Variants in RAB19 observed in about 807,000 individuals in gnomAD.
RAB19 encodes the protein RAB19, member RAS oncogene family, also known as ras-related protein Rab-19.
Under a neutral mutation model 17.3 loss-of-function variants are expected in RAB19, and 21 were observed. The observed-to-expected ratio is 1.21, with a 90% CI of 0.86 to 1.74. The LOEUF (loss-of-function observed/expected upper bound fraction) is 1.74. Among genes scored for constraint, RAB19 ranks in the 40% most tolerant of loss-of-function variants. The pLI, the probability that RAB19 is intolerant of heterozygous loss-of-function variation, is 0.00. For missense variants in RAB19, 277 were observed against 286.8 expected (o/e 0.97, Z 0.25); for synonymous variants, 126 against 110.4 (o/e 1.14, Z -0.88).
intron 3 of RAB19, among the ~76,000 whole-genome samples, chr7:140,418,797 T>C (rs1799508325): frequency 6.7e-6 from 1 of 149,728 alleles, no homozygotes. Context: ...AGGTAGAGTC[T>C]GCAGTGAGCT....
rs1276729317 is a variant in RAB19, at chr7:140,427,220, C to T, written c.*1070C>T. 6.8e-6 allele frequency among the ~76,000 whole-genome samples: 1 copy of T among 146,868 alleles called. No individual in the cohort carries two copies. Among genetic ancestry groups the T allele is most frequent in the Non-Finnish European group, 1.5e-5 (1 of 67,266 alleles). ...AATGCAGTGGCATGATCTCGGCTCACTGCAACCTCAACCTCCACCTCCTGG... is the reference window on the plus strand; with the variant it reads ...AATGCAGTGGCATGATCTCGGCTCATTGCAACCTCAACCTCCACCTCCTGG... On this transcript the variant is annotated 3_prime_UTR_variant, in exon 4 of 4. Transcript: ENST00000537763.
At chr7:140,420,439 AG>A (rs1364649493) in intron 3 of RAB19, among the ~76,000 whole-genome samples, 30 of 137,614 alleles carry the variant, frequency 2.2e-4, no homozygotes, top group Admixed American at 9.0e-4. Flanking sequence ...AAAAAAAAAA[AG>A]AAGAAGAAGA....
chr7:140,418,817 C>A (rs1430159582), intron 3 of RAB19, among the ~76,000 whole-genome samples: 2 of 150,202 alleles, frequency 1.3e-5, no homozygotes, highest in Non-Finnish European at 3.0e-5. Flanking sequence ...TGTGATCACA[C>A]CACTGCACCA....
intron 3 of RAB19, among the ~76,000 whole-genome samples, chr7:140,422,397 A>C (rs1286934004): frequency 6.6e-6 from 1 of 152,058 alleles, no homozygotes; most frequent in Non-Finnish European, 1.5e-5. Flanking sequence ...TCAAAAAAAA[A>C]AGGCAACATT....
chr7:140,424,619 CTAT>C (rs1799623796), intron 3 of RAB19, among the ~76,000 whole-genome samples: 7 of 87,892 alleles, frequency 8.0e-5, no homozygotes, highest in African/African-American at 3.2e-4. Flanking sequence ...CTCTCTCTCT[CTAT>C]ATATATATAT....
intron 1 of RAB19, among the ~76,000 whole-genome samples, chr7:140,407,114 A>G (rs1799256422): frequency 6.6e-6 from 1 of 151,920 alleles, no homozygotes; most frequent in Non-Finnish European, 1.5e-5. Flanking sequence ...CAAACTCCCA[A>G]CCTCAGGTGA....
chr7:140,418,325 G>A (rs1387560134), intron 3 of RAB19, among the ~76,000 whole-genome samples: 1 of 150,508 alleles, frequency 6.6e-6, no homozygotes, highest in Non-Finnish European at 1.5e-5. Flanking sequence ...GCTGAGGCGG[G>A]TGGATTGCCT....
chr7:140,424,661 G>GTTTA (rs1563075625), intron 3 of RAB19, among the ~76,000 whole-genome samples: 1 of 119,574 alleles, frequency 8.4e-6, no homozygotes, highest in Non-Finnish European at 1.7e-5. Flanking sequence ...ATATATGTGT[G>GTTTA]TGTATATATA....
In RAB19 at chr7:140,411,162, G is replaced by T. The variant is rs953026764; in HGVS notation, c.202-712G>T. On this transcript the variant is annotated intron_variant, in intron 2 of 3. Transcript: ENST00000537763. ...CGCCTGTAATCTCAGCACTTTGGGAGGCCGAGGCCAGCAGATCACAAGGTC... is the reference window on the plus strand; with the variant it reads ...CGCCTGTAATCTCAGCACTTTGGGATGCCGAGGCCAGCAGATCACAAGGTC... 13 of 1,322,882 alleles carry T rather than the reference G, an allele frequency of 9.8e-6. No homozygotes were observed. In the South Asian group the frequency reaches 1.5e-4, roughly 15 times the overall value. The allele number at this position is 1,322,882 out of a possible 1,614,324, so 81.9% of individuals were successfully genotyped here. A position where few individuals can be genotyped will look rare whatever the true frequency, so the allele number is the denominator to read the frequency against.
At chr7:140,421,494 G>A (rs1799562473) in intron 3 of RAB19, among the ~76,000 whole-genome samples, 2 of 152,050 alleles carry the variant, frequency 1.3e-5, no homozygotes, top group African/African-American at 4.8e-5. Flanking sequence ...CAAGTAGCTG[G>A]GATTACAGGC....
At chr7:140,417,275 G>A (rs1799477910) in intron 3 of RAB19, among the ~76,000 whole-genome samples, 1 of 151,020 alleles carries the variant, frequency 6.6e-6, no homozygotes, top group Admixed American at 6.6e-5. Context: ...AGTGGTGTAC[G>A]CCTATAGTCT....
chr7:140,422,582 G>A (rs915220789), intron 3 of RAB19, among the ~76,000 whole-genome samples: 26 of 150,880 alleles, frequency 1.7e-4, no homozygotes, highest in African/African-American at 6.1e-4. Flanking sequence ...TACATCTGTG[G>A]TATTACATTT....
At chr7:140,407,436 C>A in intron 1 of RAB19, 188 bp from the exon 2 acceptor site, 1 of 551,808 alleles carries the variant, frequency 1.8e-6, no homozygotes, top group Non-Finnish European at 3.3e-6. Flanking sequence ...TCCAAGAGCA[C>A]CCCTAAAGTA....
intron 3 of RAB19, among the ~76,000 whole-genome samples, chr7:140,421,346 C>T (rs2130153845): frequency 6.6e-6 from 1 of 152,028 alleles, no homozygotes; most frequent in African/African-American, 2.4e-5. Flanking sequence ...CACATTCCAA[C>T]ATGTCCAGTT....
In RAB19 at chr7:140,407,523, C is replaced by T. The variant is rs1799265425; in HGVS notation, c.-23-101C>T. 3.9e-6 allele frequency: 3 copies of T among 777,078 alleles called. No individual in the cohort carries two copies. In the South Asian group the frequency reaches 4.9e-5, roughly 13 times the overall value. 48.1% of individuals were successfully genotyped at this position (777,078 alleles called of 1,614,324 possible). On this transcript the variant is annotated intron_variant, in intron 1 of 3. Coordinates refer to ENST00000537763, the MANE Select transcript of RAB19 (RefSeq NM_001008749.3). Reference sequence around the variant, plus strand: ...CCCGACTAGCATCATTAGCATCGTCCTCTCACAAGGATGTAGCACTGTGAA... The same window carrying T: ...CCCGACTAGCATCATTAGCATCGTCTTCTCACAAGGATGTAGCACTGTGAA...
chr7:140,410,407 A>G (rs1311187895), intron 2 of RAB19, among the ~76,000 whole-genome samples: 1 of 132,856 alleles, frequency 7.5e-6, no homozygotes, highest in Non-Finnish European at 1.5e-5. Context: ...GCTCACTGTA[A>G]GCTCCGCTTC....
chr7:140,420,413 T>C (rs1585429772), intron 3 of RAB19, among the ~76,000 whole-genome samples: 1 of 100,140 alleles, frequency 1.0e-5, no homozygotes, highest in Non-Finnish European at 1.9e-5. Context: ...AGAGTGAGAC[T>C]CCATATCAAA....
chr7:140,418,471 G>A, intron 3 of RAB19, among the ~76,000 whole-genome samples: 1 of 151,620 alleles, frequency 6.6e-6, no homozygotes, highest in East Asian at 1.9e-4. Flanking sequence ...AGCTACTCGG[G>A]AGGCTGAGGC....
At chr7:140,408,020 G>GGCGCCCGCCACC (rs1483712498) in intron 2 of RAB19, among the ~76,000 whole-genome samples, 173 bp downstream of exon 2, 3 of 149,158 alleles carry the variant, frequency 2.0e-5, no homozygotes, top group Non-Finnish European at 3.0e-5. Flanking sequence ...AGGAACTACA[G>GGCGCCCGCCACC]GCGCCCGCCA....
Sources: allele counts gnomAD v4.1 joint callset (sites outside exome capture counted in the v4.1 genomes callset), GRCh38; gene constraint gnomAD v4.1.1; transcripts MANE v1.5; gene names NCBI Gene and HGNC (gene_info 2026-07-23, HGNC 2026-07-21).